CIROZ: variants seen among roughly 807,000 people sequenced by gnomAD.
CIROZ encodes the protein ciliated left-right organizer ZP-N domains-containing protein.
the CIROZ span, among the ~76,000 whole-genome samples, chr1:10,954,463 AAAAAG>A: frequency 0.018 from 2,479 of 141,450 alleles, 29 homozygotes; most frequent in Non-Finnish European, 0.025. Context: ...CAAAAAAAAA[AAAAAG>A]AAAAGAAAAG....
At chr1:10,976,335 T>C in the CIROZ span, 2 of 960,606 alleles carry the variant, frequency 2.1e-6, no homozygotes, top group African/African-American at 1.7e-5. Context: ...CTCATTATAT[T>C]TCTTTTTTTT....
At chr1:10,955,793 G>A in the CIROZ span, among the ~76,000 whole-genome samples, 4 of 146,640 alleles carry the variant, frequency 2.7e-5, no homozygotes, top group African/African-American at 7.5e-5. Context: ...GCAATGAGCC[G>A]AGATCGCACC....
chr1:10,948,723 C>T, the CIROZ span: 1 of 1,558,788 alleles, frequency 6.4e-7, no homozygotes, highest in Non-Finnish European at 8.7e-7. Flanking sequence ...TCCAGGGATC[C>T]CTGCTTCCCC....
the CIROZ span, chr1:10,954,228 G>A: frequency 1.0e-5 from 15 of 1,430,624 alleles, no homozygotes; most frequent in Middle Eastern, 2.1e-4. Flanking sequence ...GGCTGAGGCA[G>A]GCGGATCATG....
chr1:10,947,887 C>T, the CIROZ span: 1 of 1,612,742 alleles, frequency 6.2e-7, no homozygotes, highest in African/African-American at 1.3e-5. Context: ...GACGTGTGTG[C>T]AACCCCCCAC....
chr1:10,947,558 G>A, the CIROZ span: 8 of 990,068 alleles, frequency 8.1e-6, no homozygotes, highest in African/African-American at 6.5e-5. Context: ...CTGGAAAGAC[G>A]GCCCCCAGCC....
At chr1:10,975,413 A>G in the CIROZ span, among the ~76,000 whole-genome samples, 2 of 149,442 alleles carry the variant, frequency 1.3e-5, no homozygotes, top group African/African-American at 4.9e-5. Flanking sequence ...CTCAGAAAAA[A>G]AAAAAAAAAA....
At chr1:10,955,323 T>A in the CIROZ span, 6 of 714,172 alleles carry the variant, frequency 8.4e-6, no homozygotes, top group Non-Finnish European at 1.3e-5. Flanking sequence ...GACAGCAAGT[T>A]ACTTGGTGTC....
At chr1:10,948,740 A>G in the CIROZ span, 1 of 1,548,766 alleles carries the variant, frequency 6.5e-7, no homozygotes, top group East Asian at 2.3e-5. Context: ...CCCCTGGGGG[A>G]GGCTGGGGAC....
At chr1:10,959,140 T>C in the CIROZ span, among the ~76,000 whole-genome samples, 1 of 152,148 alleles carries the variant, frequency 6.6e-6, no homozygotes, top group Non-Finnish European at 1.5e-5. This position sits in a 1 kb window ranked among gnomAD's most constrained non-coding sequence, Gnocchi z 4.3. Context: ...CCTTTTTCTT[T>C]CCACTTTGGA....
chr1:10,948,620 CG>C, the CIROZ span: 1 of 1,614,034 alleles, frequency 6.2e-7, no homozygotes, highest in Non-Finnish European at 8.5e-7. Flanking sequence ...GGGTCAGAGC[CG>C]GGTGCGTTGG....
At chr1:10,977,780 T>C in the CIROZ span, among the ~76,000 whole-genome samples, 1 of 152,324 alleles carries the variant, frequency 6.6e-6, no homozygotes, top group East Asian at 1.9e-4. Context: ...GATGAAAGGC[T>C]GGAGTTAGAC....
chr1:10,965,404 C>G, the CIROZ span, among the ~76,000 whole-genome samples: 1 of 152,116 alleles, frequency 6.6e-6, no homozygotes, highest in African/African-American at 2.4e-5. Context: ...CTGGTTGTCC[C>G]CTTGCAGGAC....
the CIROZ span, among the ~76,000 whole-genome samples, chr1:10,960,622 C>T: frequency 6.6e-6 from 1 of 152,168 alleles, no homozygotes; most frequent in South Asian, 2.1e-4. This position sits in a 1 kb window ranked among gnomAD's most constrained non-coding sequence, Gnocchi z 4.6. Flanking sequence ...AGTTATTGCG[C>T]GGCCTCCCGC....
At chr1:10,956,651 ATT>A in the CIROZ span, among the ~76,000 whole-genome samples, 2 of 151,016 alleles carry the variant, frequency 1.3e-5, no homozygotes, top group Non-Finnish European at 3.0e-5. Context: ...AATTTTTTGT[ATT>A]TTTTTAGTAG....
chr1:10,948,789 G>A, the CIROZ span: 2 of 1,517,658 alleles, frequency 1.3e-6, no homozygotes, highest in Non-Finnish European at 1.8e-6. Context: ...AATGGAGGCA[G>A]ATGTCTGGCC....
At chr1:10,964,552 G>A in the CIROZ span, among the ~76,000 whole-genome samples, 26 of 152,310 alleles carry the variant, frequency 1.7e-4, no homozygotes, top group African/African-American at 4.8e-4. Flanking sequence ...AAGAGCTTGC[G>A]TCCTAATGTC....
At chr1:10,951,683 A>G in the CIROZ span, among the ~76,000 whole-genome samples, 3 of 150,118 alleles carry the variant, frequency 2.0e-5, no homozygotes, top group Non-Finnish European at 3.0e-5. Flanking sequence ...TATGATTGCA[A>G]CATTGTACTT....
the CIROZ span, among the ~76,000 whole-genome samples, chr1:10,979,489 G>A: frequency 6.6e-6 from 1 of 152,134 alleles, no homozygotes; most frequent in Non-Finnish European, 1.5e-5. Context: ...GAAAGCTCCT[G>A]CCTCCTGGCG....
Sources: gnomAD v4.1 joint callset for allele counts (sites outside exome capture counted in the v4.1 genomes callset) on GRCh38, gnomAD v4.1.1 for gene constraint, Gnocchi (gnomAD v3.1) non-coding constraint, MANE v1.5 for transcripts, NCBI Gene and HGNC (gene_info 2026-07-23, HGNC 2026-07-21) for gene names.